Variants in CDH13 observed in about 807,000 individuals in gnomAD.
CDH13 encodes cadherin 13.
Under a neutral mutation model 63.8 loss-of-function variants are expected in CDH13, and 24 were observed. The ratio of observed to expected loss-of-function variants is 0.38; its 90% CI spans 0.27 to 0.53. CDH13 has a LOEUF of 0.53. Ranked by LOEUF, CDH13 falls within the 20% of genes least tolerant of loss-of-function variation. The pLI is 0.85. For missense variants in CDH13, 1,049 were observed against 903.1 expected (o/e 1.16, Z -2.07); for synonymous variants, 503 against 355.3 (o/e 1.42, Z -4.67).
chr16:83,032,090 G>C lies in CDH13; in HGVS notation c.238G>C (p.Gly80Arg). 6.2e-7 allele frequency: 1 copy of C among 1,612,806 alleles called. No individual in the cohort carries two copies. The highest frequency in any genetic ancestry group is 2.2e-5 in the East Asian group (1 of 44,740). The change falls in exon 3 of 14, where the codon GGC becomes CGC. Residue 80 changes from glycine to arginine, a missense_variant. Physicochemically the swap from Gly to Arg is moderately radical, Grantham distance 125. Coordinates refer to ENST00000567109, the MANE Select transcript of CDH13 (RefSeq NM_001257.5). ...ATACTTCAAGGTGAACAGCGATGGC[G>C]GCTTAGTTGCTCTGAGAAACATAAC... Reference protein sequence around the residue: ...SPYFKVNSDGGLVALRNITAV... With the variant: ...SPYFKVNSDGRLVALRNITAV...
At chr16:82,780,674 A>T (rs564323951) in intron 1 of CDH13, among the ~76,000 whole-genome samples, 107 of 152,362 alleles carry the variant, frequency 7.0e-4, no homozygotes, top group African/African-American at 2.3e-3. Context: ...TTACATTAGA[A>T]ATAACTTACT....
chr16:83,108,354 C>A (rs1273675010), intron 3 of CDH13, among the ~76,000 whole-genome samples: 1 of 152,142 alleles, frequency 6.6e-6, no homozygotes, highest in Non-Finnish European at 1.5e-5. Flanking sequence ...AAACTGAGTT[C>A]TTGTCAAACA....
At chr16:83,032,354 C>G (rs1229093417) in intron 3 of CDH13, 136 bp downstream of exon 3, 3 of 696,548 alleles carry the variant, frequency 4.3e-6, no homozygotes, top group Non-Finnish European at 7.1e-6. Context: ...GACAGAAATC[C>G]AACTCTAAAA....
chr16:83,408,034 T>C (rs1011195563), intron 6 of CDH13, among the ~76,000 whole-genome samples: 2 of 152,190 alleles, frequency 1.3e-5, no homozygotes, highest in Non-Finnish European at 2.9e-5. Context: ...ATGGAGCGGC[T>C]GTGTCTCCTC....
At chr16:82,931,302 CA>C in intron 2 of CDH13, among the ~76,000 whole-genome samples, 1 of 152,142 alleles carries the variant, frequency 6.6e-6, no homozygotes. Flanking sequence ...TGTCTGATAA[CA>C]AACAAACAAA....
At chr16:83,469,670 T>C (rs1029112432) in intron 6 of CDH13, among the ~76,000 whole-genome samples, 3 of 152,164 alleles carry the variant, frequency 2.0e-5, no homozygotes, top group African/African-American at 4.8e-5. Context: ...AAGGTCCACA[T>C]GAGGCCTTTT....
intron 2 of CDH13, among the ~76,000 whole-genome samples, chr16:83,018,623 T>C (rs960314718): frequency 1.3e-5 from 2 of 152,202 alleles, no homozygotes; most frequent in Non-Finnish European, 2.9e-5. Flanking sequence ...TCATGCATTG[T>C]TTAACCATAG....
chr16:83,590,348 G>C (rs543688367), intron 7 of CDH13, among the ~76,000 whole-genome samples: 2 of 152,280 alleles, frequency 1.3e-5, no homozygotes, highest in East Asian at 3.9e-4. Flanking sequence ...CGAGAGGAAG[G>C]GGAGGTAAAA....
intron 6 of CDH13, among the ~76,000 whole-genome samples, chr16:83,425,494 T>C (rs1213005252): frequency 3.9e-5 from 6 of 152,382 alleles, no homozygotes; most frequent in South Asian, 2.1e-4. Context: ...ACAGAGAAGA[T>C]GATCCAGTTT....
chr16:82,731,430 T>A (rs1014091622), intron 1 of CDH13, among the ~76,000 whole-genome samples: 2 of 152,332 alleles, frequency 1.3e-5, no homozygotes, highest in Admixed American at 6.5e-5. Context: ...AATTAAATTT[T>A]AAAAATGTGT....
At chr16:83,476,987 G>C (rs534540373) in intron 6 of CDH13, among the ~76,000 whole-genome samples, 1 of 152,098 alleles carries the variant, frequency 6.6e-6, no homozygotes, top group African/African-American at 2.4e-5. Flanking sequence ...TCTTACTGTC[G>C]AAGTCTGGAT....
At chr16:82,815,010 G>GT (rs1221586810) in intron 1 of CDH13, among the ~76,000 whole-genome samples, 23 of 150,880 alleles carry the variant, frequency 1.5e-4, no homozygotes, top group South Asian at 6.3e-4. Context: ...AAAACATTTT[G>GT]TTTTTTTTTC....
At chr16:83,786,847 C>G (rs1379553254) in intron 13 of CDH13, among the ~76,000 whole-genome samples, 1 of 152,198 alleles carries the variant, frequency 6.6e-6, no homozygotes, top group African/African-American at 2.4e-5. Context: ...CTCGGCCTCC[C>G]AAAGTGCTAG....
At chr16:83,488,750 G>T (rs1230771242) in intron 7 of CDH13, among the ~76,000 whole-genome samples, 2 of 152,026 alleles carry the variant, frequency 1.3e-5, no homozygotes, top group Non-Finnish European at 2.9e-5. Flanking sequence ...TCAGCCTCCT[G>T]AGTAGCTGGG....
At chr16:82,729,040 C>T (rs2033255288) in intron 1 of CDH13, among the ~76,000 whole-genome samples, 1 of 152,168 alleles carries the variant, frequency 6.6e-6, no homozygotes, top group African/African-American at 2.4e-5. Context: ...GCAATTCAGT[C>T]ACATCTTCAG....
chr16:82,899,813 G>A (rs576750731), intron 2 of CDH13, among the ~76,000 whole-genome samples: 11 of 152,206 alleles, frequency 7.2e-5, no homozygotes, highest in South Asian at 2.1e-4. Context: ...CTATGTGTTC[G>A]GTATAATGGG....
At chr16:82,993,189 G>A (rs972179093) in intron 2 of CDH13, among the ~76,000 whole-genome samples, 1 of 152,094 alleles carries the variant, frequency 6.6e-6, no homozygotes, top group African/African-American at 2.4e-5. Context: ...AACATTTTAT[G>A]ACTATTCTTT....
intron 11 of CDH13, among the ~76,000 whole-genome samples, chr16:83,761,287 C>T (rs1257835315): frequency 1.3e-5 from 2 of 152,128 alleles, no homozygotes; most frequent in East Asian, 3.9e-4. Flanking sequence ...TTGATAATGC[C>T]TAGGTTGCAG....
At chr16:82,804,615 T>C (rs1382030957) in intron 1 of CDH13, among the ~76,000 whole-genome samples, 1 of 152,208 alleles carries the variant, frequency 6.6e-6, no homozygotes, top group Non-Finnish European at 1.5e-5. Flanking sequence ...ATATATGCCT[T>C]ATCACATCAG....
Sources: allele counts gnomAD v4.1 joint callset (sites outside exome capture counted in the v4.1 genomes callset), GRCh38; gene constraint gnomAD v4.1.1; transcripts MANE v1.5; gene names NCBI Gene and HGNC (gene_info 2026-07-23, HGNC 2026-07-21).